The following ITPR1 variants were observed in gnomAD, a reference collection of about 807,000 sequenced individuals.
The protein encoded by ITPR1 is inositol 1,4,5-trisphosphate receptor type 1.
ITPR1 carries 96 observed loss-of-function variants against 318.4 expected under a neutral mutation model. The ratio of observed to expected loss-of-function variants is 0.30; its 90% CI spans 0.26 to 0.36. ITPR1 has a LOEUF of 0.36. Ranked by LOEUF, ITPR1 falls within the 10% of genes least tolerant of loss-of-function variation. The pLI is 1.00. For synonymous variants in ITPR1, 1,312 were observed against 1,289.9 expected (o/e 1.02, Z -0.37); for missense variants, 2,440 against 3,460.2 (o/e 0.71, Z 7.40).
chr3:4,628,312 AG>A (rs1376544207), intron 5 of ITPR1, among the ~76,000 whole-genome samples: 2 of 152,230 alleles, frequency 1.3e-5, no homozygotes, highest in African/African-American at 4.8e-5. Context: ...GAGACATAAA[AG>A]CCACATGAAT....
rs188271793 is a variant in ITPR1 at position 4,685,299 on chromosome 3, G to C, written c.3702+93G>C. ...TTCACATCTGGATATTGTTAGTGAA[G>C]AAATGCATCCAGTGTGACTATTGTG... is the stretch of plus-strand genomic sequence containing the variant. On this transcript the variant is annotated intron_variant, in intron 30 of 61. Coordinates refer to ENST00000649015, the MANE Select transcript of ITPR1 (RefSeq NM_001378452.1). 9.5e-4 allele frequency: 1,215 copies of C among 1,273,122 alleles called. 1 individual carries two copies. Among genetic ancestry groups the C allele is most frequent in the Middle Eastern group, 3.3e-3 (12 of 3,620 alleles). 78.9% of individuals were successfully genotyped at this position (1,273,122 alleles called of 1,614,324 possible). A position where few individuals can be genotyped will look rare whatever the true frequency, so the allele number is the denominator to read the frequency against.
intron 44 of ITPR1, among the ~76,000 whole-genome samples, chr3:4,765,294 G>A (rs1454288978): frequency 3.3e-5 from 5 of 152,176 alleles, no homozygotes; most frequent in African/African-American, 9.7e-5. Context: ...AAAGCAACCA[G>A]AGGTAAAGAA....
In ITPR1 at chr3:4,660,979, C is replaced by T; in HGVS notation, c.1152-9C>T. On this transcript the variant is annotated splice_polypyrimidine_tract_variant and intron_variant, in intron 13 of 61. Coordinates refer to ENST00000649015, the MANE Select transcript of ITPR1 (RefSeq NM_001378452.1). The stretch of plus-strand genomic sequence containing the variant: ...TATTTCCCTAAAACCCTCCTTTTTT[C>T]CCTGTTAGGAACTCTTATGTTCGGC... The T allele has an allele frequency of 6.8e-7, 1 of 1,465,304 alleles. No individual in the cohort carries two copies. Among genetic ancestry groups the T allele is most frequent in the Non-Finnish European group, 9.4e-7 (1 of 1,061,156 alleles). The allele number at this position is 1,465,304 out of a possible 1,614,324, so 90.8% of individuals were successfully genotyped here. A position where few individuals can be genotyped will look rare whatever the true frequency, so the allele number is the denominator to read the frequency against.
chr3:4,645,410 A>G lies in ITPR1; in HGVS notation c.648A>G (p.Thr216=). ...AGGTCAATTCCGTCAACTGCAATAC[A>G]AGCTGGAAAATAGTCCTTTTCATGA... is the stretch of plus-strand genomic sequence containing the variant. ...CNEVNSVNCN[T]SWKIVLFMKW... Residue 216 remains threonine (T), a synonymous_variant, in exon 9 of 62, where the codon ACA becomes ACG. Coordinates refer to ENST00000649015, the MANE Select transcript of ITPR1 (RefSeq NM_001378452.1). 1 of 1,613,376 alleles carries G rather than the reference A, an allele frequency of 6.2e-7. No homozygotes were observed. Among genetic ancestry groups the G allele is most frequent in the Non-Finnish European group, 8.5e-7 (1 of 1,179,412 alleles).
rs554727024 is a variant in ITPR1, at chr3:4,823,783, T to C, written c.8028+5541T>C. ...AATGACTATAATTAACAAAAATGTG[T>C]GGTGCTTGGGTGATGGACGCCCTAG... On this transcript the variant is annotated intron_variant, in intron 60 of 61. Coordinates refer to ENST00000649015, the MANE Select transcript of ITPR1 (RefSeq NM_001378452.1). Among the ~76,000 whole-genome samples, 12 of 152,290 alleles carry C rather than the reference T, an allele frequency of 7.9e-5. No homozygotes were observed. The South Asian group carries it at 2.5e-3, about 32-fold the overall frequency.
intron 2 of ITPR1, among the ~76,000 whole-genome samples, chr3:4,499,887 C>T (rs1304026872): frequency 6.6e-6 from 1 of 152,134 alleles, no homozygotes; most frequent in African/African-American, 2.4e-5. Context: ...TCTTCCTGTG[C>T]CAGCCTTCCC....
intron 4 of ITPR1, among the ~76,000 whole-genome samples, chr3:4,528,242 A>C (rs1039813271): frequency 6.6e-6 from 1 of 152,216 alleles, no homozygotes; most frequent in Non-Finnish European, 1.5e-5. Flanking sequence ...CTTTGCTATT[A>C]GTGGCGGAAA....
rs141497455 is a variant in ITPR1 at position 4,827,754 on chromosome 3, A to G, written c.8029-9020A>G. Among the ~76,000 whole-genome samples, 599 of 152,288 alleles carry G rather than the reference A, an allele frequency of 3.9e-3. 12 individuals are homozygous for G. The highest frequency in any genetic ancestry group is 0.037 in the South Asian group (181 of 4,828). On this transcript the variant is annotated intron_variant, in intron 60 of 61. Transcript: ENST00000649015. The stretch of plus-strand genomic sequence containing the variant: ...AGGAAGGTGTGATCCTTAGGGTCTG[A>G]GTCAGGGATCAGAGTACAAGGGGCT...
rs373592258 is a variant in ITPR1, at chr3:4,844,100, C to T, written c.8191-2039C>T. Among the ~76,000 whole-genome samples the T allele has an allele frequency of 1.6e-4, 24 of 148,854 alleles. No individual in the cohort carries two copies. The South Asian group carries it at 2.1e-3, about 13-fold the overall frequency. On this transcript the variant is annotated intron_variant, in intron 61 of 61. Transcript: ENST00000649015. Reference sequence around the variant, plus strand: ...TATAAGCTTTGAGTAAAGTATCCTTCAATAAGGGTTGAGCAGACCAAGATT... The same window carrying T: ...TATAAGCTTTGAGTAAAGTATCCTTTAATAAGGGTTGAGCAGACCAAGATT...
chr3:4,601,243 G>A (rs1177918350), intron 4 of ITPR1, among the ~76,000 whole-genome samples: 1 of 147,358 alleles, frequency 6.8e-6, no homozygotes, highest in Non-Finnish European at 1.5e-5. Flanking sequence ...GTTGAGCCAG[G>A]CTCATTGGCT....
At chr3:4,541,186 T>G (rs1212139339) in intron 4 of ITPR1, among the ~76,000 whole-genome samples, 3 of 152,240 alleles carry the variant, frequency 2.0e-5, no homozygotes, top group Non-Finnish European at 4.4e-5. Context: ...ATTAAAAAAA[T>G]TAACTTACGT....
chr3:4,618,421 G>T (rs547466531), intron 4 of ITPR1, among the ~76,000 whole-genome samples: 1 of 152,092 alleles, frequency 6.6e-6, no homozygotes, highest in African/African-American at 2.4e-5. Context: ...TGTTAGCTTT[G>T]TGACACTTCT....
At chr3:4,766,394 C>T (rs570581636) in intron 44 of ITPR1, 136 bp from the exon 45 acceptor site, 25 of 661,454 alleles carry the variant, frequency 3.8e-5, no homozygotes, top group Non-Finnish European at 6.3e-5. Context: ...TGGAGTGGTC[C>T]TTAATGTTGA....
chr3:4,554,415 G>A (rs1021878157), intron 4 of ITPR1, among the ~76,000 whole-genome samples: 21 of 152,206 alleles, frequency 1.4e-4, no homozygotes, highest in African/African-American at 4.1e-4. Context: ...TGGTAATTAC[G>A]TGTATTGGCC....
intron 4 of ITPR1, among the ~76,000 whole-genome samples, chr3:4,612,063 C>CTT (rs34678180): frequency 0.038 from 4,163 of 108,506 alleles, 218 homozygotes; most frequent in African/African-American, 0.08. Context: ...GTATCAGGCC[C>CTT]TTTTTTTTTT....
Position 4,669,690 on chromosome 3 carries a change from G to T in ITPR1, c.1923G>T (p.Met641Ile). The T allele has an allele frequency of 1.2e-6, 2 of 1,613,126 alleles. No individual in the cohort carries two copies. Among genetic ancestry groups the T allele is most frequent in the South Asian group, 2.2e-5 (2 of 91,012 alleles). Reference sequence around the variant, plus strand: ...ACCTCTCCGACCTCTGTGTCTCCATGAACAAATCAATTCCAGTGACCCAGG... The same window carrying T: ...ACCTCTCCGACCTCTGTGTCTCCATTAACAAATCAATTCCAGTGACCCAGG... ...LDYLSDLCVS[M>I]NKSIPVTQEL... Residue 641 changes from methionine to isoleucine, a missense_variant, in exon 19 of 62, where the codon ATG becomes ATT. Around this residue, in one of 23 missense-constraint regions of ITPR1, gnomAD observed 478 missense variants for 696.3 expected, o/e 0.69. Transcript: ENST00000649015.
Position 4,680,690 on chromosome 3 carries a change from A to G in ITPR1, c.3105A>G (p.Pro1035=). 1 of 1,608,404 alleles carries G rather than the reference A, an allele frequency of 6.2e-7. No individual in the cohort carries two copies. Among genetic ancestry groups the G allele is most frequent in the Non-Finnish European group, 8.5e-7 (1 of 1,177,074 alleles). Residue 1035 remains proline, a splice_region_variant and synonymous_variant, in exon 25 of 62, where the codon CCA becomes CCG. Coordinates refer to ENST00000649015, the MANE Select transcript of ITPR1 (RefSeq NM_001378452.1). ...GCCAAGAAGGGCCAAGTAATGTACC[A>G]GGTTAGTGATTCAGAATGGAATTTC... ...NSSQEGPSNV[P]GALDFEHIEE...
chr3:4,785,504 T>G (rs978464456), intron 51 of ITPR1, among the ~76,000 whole-genome samples: 3 of 152,370 alleles, frequency 2.0e-5, no homozygotes, highest in Admixed American at 2.0e-4. Flanking sequence ...CTCAGGTCTC[T>G]GGGCTATCCT....
At chr3:4,657,395 T>G (rs2125182709) in intron 12 of ITPR1, among the ~76,000 whole-genome samples, 1 of 151,516 alleles carries the variant, frequency 6.6e-6, no homozygotes. Flanking sequence ...AGTTTTTTTT[T>G]TGTTTTTTTT....
Sources: gnomAD v4.1 joint callset for allele counts (sites outside exome capture counted in the v4.1 genomes callset) on GRCh38, gnomAD v4.1.1 for gene constraint, gnomAD v4.1.1 regional missense constraint, MANE v1.5 for transcripts, NCBI Gene and HGNC (gene_info 2026-07-23, HGNC 2026-07-21) for gene names.